The following MAGI2 variants were observed in gnomAD, a reference collection of about 807,000 sequenced individuals.
MAGI2 encodes membrane-associated guanylate kinase, WW and PDZ domain-containing protein 2.
In MAGI2, 35 loss-of-function variants were observed where a neutral mutation model predicts 133.3. The ratio of observed to expected loss-of-function variants is 0.26; its 90% CI spans 0.20 to 0.35. The LOEUF (loss-of-function observed/expected upper bound fraction) is 0.35. Ranked by LOEUF, MAGI2 falls within the 10% of genes least tolerant of loss-of-function variation. The pLI, the probability that MAGI2 is intolerant of heterozygous loss-of-function variation, is 1.00. For missense variants in MAGI2, 1,636 were observed against 1,863.4 expected, an observed-to-expected ratio of 0.88 and a Z score of 2.25; for synonymous variants, 729 against 710.6, an observed-to-expected ratio of 1.03 and a Z score of -0.41.
intron 3 of MAGI2, among the ~76,000 whole-genome samples, chr7:78,537,940 C>A (rs535236929): frequency 8.5e-5 from 13 of 152,222 alleles, no homozygotes; most frequent in Non-Finnish European, 1.5e-4. Flanking sequence ...AAGGGTTTTT[C>A]CAATGTTATC....
intron 1 of MAGI2, among the ~76,000 whole-genome samples, chr7:79,071,204 CTGT>C (rs1408506343): frequency 6.6e-6 from 1 of 152,188 alleles, no homozygotes; most frequent in East Asian, 1.9e-4. Flanking sequence ...AATAAGGCTG[CTGT>C]TCTGCAGGTC....
intron 15 of MAGI2, among the ~76,000 whole-genome samples, chr7:78,162,593 G>A (rs191933678): frequency 1.3e-5 from 2 of 152,070 alleles, no homozygotes; most frequent in African/African-American, 4.8e-5. Flanking sequence ...GCTGGGAGTG[G>A]CAATGTTACA....
intron 1 of MAGI2, among the ~76,000 whole-genome samples, chr7:79,014,761 C>T (rs1476106): frequency 0.75 from 113,375 of 152,024 alleles, 42,495 homozygotes; most frequent in East Asian, 0.82. Context: ...ACATAAAACA[C>T]TTACTAAGAT....
chr7:78,897,699 T>A (rs1186423410), intron 2 of MAGI2, among the ~76,000 whole-genome samples: 1 of 152,230 alleles, frequency 6.6e-6, no homozygotes, highest in Non-Finnish European at 1.5e-5. Flanking sequence ...GGAGTAGCAT[T>A]GAATCTATGA....
intron 2 of MAGI2, among the ~76,000 whole-genome samples, chr7:78,924,343 G>A (rs949899714): frequency 4.6e-5 from 7 of 152,082 alleles, no homozygotes; most frequent in African/African-American, 1.7e-4. Context: ...CTCATAGATA[G>A]CTCTTATTAT....
intron 2 of MAGI2, among the ~76,000 whole-genome samples, chr7:78,851,921 A>G (rs1263398374): frequency 6.6e-6 from 1 of 152,168 alleles, no homozygotes; most frequent in Non-Finnish European, 1.5e-5. Context: ...GATGGAACAC[A>G]AAACACATAC....
chr7:79,302,314 A>G (rs1406155), intron 1 of MAGI2, among the ~76,000 whole-genome samples: 1 of 152,146 alleles, frequency 6.6e-6, no homozygotes, highest in Non-Finnish European at 1.5e-5. Context: ...AAAAAGACAA[A>G]GTTCATATTA....
At chr7:79,068,567 G>GT (rs1290040197) in intron 1 of MAGI2, among the ~76,000 whole-genome samples, 2 of 152,130 alleles carry the variant, frequency 1.3e-5, no homozygotes, top group South Asian at 2.1e-4. Context: ...TTTTTGAAGG[G>GT]TTTTTTGTGT....
In MAGI2 at chr7:79,433,032, C is replaced by T. The variant is rs114838772; in HGVS notation, c.301+19988G>A. On this transcript the variant is annotated intron_variant, in intron 1 of 21. Transcript: ENST00000354212. ...AAAGAAACAGACCACACTAACCTCCCTTTTCACTGGTTTCCAGAGTTCAAA... is the reference window on the plus strand; with the variant it reads ...AAAGAAACAGACCACACTAACCTCCTTTTTCACTGGTTTCCAGAGTTCAAA... Among the ~76,000 whole-genome samples, 1,431 of 152,250 alleles carry T rather than the reference C, an allele frequency of 9.4e-3. 24 individuals are homozygous for T. Among genetic ancestry groups the T allele is most frequent in the African/African-American group, 0.033 (1,376 of 41,534 alleles).
chr7:78,502,520 G>A (rs1448863315), intron 4 of MAGI2, among the ~76,000 whole-genome samples: 1 of 152,170 alleles, frequency 6.6e-6, no homozygotes, highest in Admixed American at 6.5e-5. Context: ...AGTACAGTAA[G>A]ATAGAGAGAG....
At chr7:78,193,505 A>G (rs186264409) in intron 12 of MAGI2, among the ~76,000 whole-genome samples, 100 of 152,318 alleles carry the variant, frequency 6.6e-4, no homozygotes, top group East Asian at 2.3e-3. Flanking sequence ...TGGGCATTCC[A>G]TCAATACTTG....
chr7:78,881,353 C>T (rs549022940), intron 2 of MAGI2, among the ~76,000 whole-genome samples: 3 of 146,554 alleles, frequency 2.0e-5, no homozygotes, highest in South Asian at 2.1e-4. Context: ...TTTAAAAAAT[C>T]GACTCATAGA....
At chr7:78,609,569 C>A (rs1403399727) in intron 3 of MAGI2, among the ~76,000 whole-genome samples, 1 of 152,176 alleles carries the variant, frequency 6.6e-6, no homozygotes, top group Non-Finnish European at 1.5e-5. Context: ...AGGAAATACT[C>A]ATGACGGTTA....
At chr7:78,598,295 C>A (rs1804828546) in intron 3 of MAGI2, among the ~76,000 whole-genome samples, 1 of 151,782 alleles carries the variant, frequency 6.6e-6, no homozygotes, top group African/African-American at 2.4e-5. Context: ...AGGGGATTAG[C>A]AAAGGGAGCT....
At chr7:79,301,315 A>G (rs998693505) in intron 1 of MAGI2, among the ~76,000 whole-genome samples, 3 of 152,228 alleles carry the variant, frequency 2.0e-5, no homozygotes, top group African/African-American at 7.2e-5. Flanking sequence ...TGGGGACTGC[A>G]CCCTGTAAAG....
At chr7:79,240,729 T>C (rs1407873416) in intron 1 of MAGI2, among the ~76,000 whole-genome samples, 1 of 152,208 alleles carries the variant, frequency 6.6e-6, no homozygotes, top group South Asian at 2.1e-4. Context: ...AAGGACATTA[T>C]TAAATTGTCC....
intron 6 of MAGI2, among the ~76,000 whole-genome samples, chr7:78,378,664 C>A (rs894823080): frequency 5.3e-5 from 8 of 151,838 alleles, no homozygotes; most frequent in South Asian, 2.1e-4. Flanking sequence ...ATACACACAC[C>A]CCCCACCATA....
intron 5 of MAGI2, among the ~76,000 whole-genome samples, chr7:78,497,766 T>TCTATCTA (rs1385517709): frequency 0.024 from 3,290 of 135,358 alleles, 92 homozygotes; most frequent in African/African-American, 0.049. Flanking sequence ...CTATCTATCT[T>TCTATCTA]TCTATCTTAT....
chr7:78,790,097 G>A (rs1312024462), intron 2 of MAGI2, among the ~76,000 whole-genome samples: 1 of 152,014 alleles, frequency 6.6e-6, no homozygotes, highest in Non-Finnish European at 1.5e-5. Flanking sequence ...TATTTTTCAT[G>A]AAATAATATT....
Sources: allele counts gnomAD v4.1 joint callset (sites outside exome capture counted in the v4.1 genomes callset), GRCh38; gene constraint gnomAD v4.1.1; transcripts MANE v1.5; gene names NCBI Gene and HGNC (gene_info 2026-07-23, HGNC 2026-07-21).